The following FBN1 variants were observed in gnomAD, a reference collection of about 807,000 sequenced individuals.
FBN1 encodes fibrillin-1.
FBN1 carries 29 observed loss-of-function variants against 365.1 expected under a neutral mutation model. That is an observed-to-expected ratio of 0.08 (90% confidence interval 0.06 to 0.11). The LOEUF (loss-of-function observed/expected upper bound fraction) is 0.11. FBN1 is among the 10% of genes least tolerant of loss of function. The pLI, the probability that FBN1 is intolerant of heterozygous loss-of-function variation, is 1.00. For missense variants in FBN1, 2,476 were observed against 3,703.2 expected, an observed-to-expected ratio of 0.67 and a Z score of 8.60; for synonymous variants, 1,210 against 1,270.5, an observed-to-expected ratio of 0.95 and a Z score of 1.01.
rs113772745 is a variant in FBN1 at position 48,554,182 on chromosome 15, A to G, written c.539-16374T>C. ...AATCAAAACACAGAGCGGCAAAGTT[A>G]TTTTCTCAATGTCACAGAACAAATT... On this transcript the variant is annotated intron_variant, in intron 6 of 65. Transcript: ENST00000316623. Among the ~76,000 whole-genome samples the G allele has an allele frequency of 6.6e-3, 1,009 of 152,284 alleles. 10 individuals are homozygous for G. The highest frequency in any genetic ancestry group is 0.024 in the African/African-American group (981 of 41,546).
At chr15:48,523,084 T>A (rs1415378866) in intron 9 of FBN1, among the ~76,000 whole-genome samples, 1 of 152,248 alleles carries the variant, frequency 6.6e-6, no homozygotes, top group African/African-American at 2.4e-5. Context: ...ACTAATACTT[T>A]ATATACTTGG....
chr15:48,500,648 A>G (rs1159160717), intron 17 of FBN1, among the ~76,000 whole-genome samples: 1 of 152,226 alleles, frequency 6.6e-6, no homozygotes, highest in African/African-American at 2.4e-5. Context: ...GCGTAGTGCC[A>G]TGGAGACAGT....
chr15:48,472,318 T>C (rs1021036436), intron 35 of FBN1, among the ~76,000 whole-genome samples: 1 of 152,152 alleles, frequency 6.6e-6, no homozygotes, highest in Non-Finnish European at 1.5e-5. Flanking sequence ...TTGCAGACCA[T>C]GCGGCCAAGG....
At chr15:48,629,239 C>T (rs1044710229) in intron 2 of FBN1, among the ~76,000 whole-genome samples, 2 of 152,220 alleles carry the variant, frequency 1.3e-5, no homozygotes, top group African/African-American at 4.8e-5. Flanking sequence ...GATTTACACC[C>T]TGGCTTCTCA....
At chr15:48,633,629 G>A (rs558632213) in intron 2 of FBN1, among the ~76,000 whole-genome samples, 2 of 152,258 alleles carry the variant, frequency 1.3e-5, no homozygotes, top group South Asian at 2.1e-4. Flanking sequence ...TAGTACTGAG[G>A]ATCTAAAACT....
chr15:48,630,724 T>A (rs1889969362), intron 2 of FBN1, among the ~76,000 whole-genome samples: 1 of 92,318 alleles, frequency 1.1e-5, no homozygotes, highest in Non-Finnish European at 2.1e-5. Context: ...AGAGTGAGAC[T>A]CCATCTCAAA....
intron 6 of FBN1, among the ~76,000 whole-genome samples, chr15:48,591,422 A>G (rs1175417890): frequency 6.6e-6 from 1 of 152,228 alleles, no homozygotes; most frequent in Non-Finnish European, 1.5e-5. Flanking sequence ...ATAACTTTCC[A>G]TGATAACTGC....
intron 13 of FBN1, among the ~76,000 whole-genome samples, chr15:48,512,501 C>T (rs534778877): frequency 6.6e-6 from 1 of 152,258 alleles, no homozygotes; most frequent in South Asian, 2.1e-4. Flanking sequence ...CCAATAGGCC[C>T]CGGTGTGTGT....
In FBN1 at chr15:48,420,669, T is replaced by G. The variant is rs1467516350; in HGVS notation, c.7819+18A>C. On this transcript the variant is annotated intron_variant, in intron 63 of 65. Transcript: ENST00000316623. ...ACCTGATAGCCATGCATCTTGAGAG[T>G]GAGGAAAAGTTACTTGCCAACACAC... 1 of 1,613,716 alleles carries G rather than the reference T, an allele frequency of 6.2e-7. No individual in the cohort carries two copies.
Position 48,626,624 on chromosome 15 carries a change from G to C in FBN1, c.165-13532C>G, listed in dbSNP as rs12438332. ...CAGATTTTAAGTTTCTATAAAGTCA[G>C]AGGAAGTTAGGTAAAAGCATGCAGT... On this transcript the variant is annotated intron_variant, in intron 2 of 65. Transcript: ENST00000316623. Among the ~76,000 whole-genome samples the C allele has an allele frequency of 9.3e-3, 1,420 of 152,116 alleles. 53 individuals carry two copies. The highest frequency in any genetic ancestry group is 0.089 in the East Asian group (461 of 5,182).
At chr15:48,583,219 T>A (rs777018032) in intron 6 of FBN1, among the ~76,000 whole-genome samples, 51 of 152,282 alleles carry the variant, frequency 3.3e-4, no homozygotes, top group Admixed American at 3.9e-4. Flanking sequence ...AACTCACACC[T>A]CCTCTCTTCG....
rs999454337 is a variant in FBN1, at chr15:48,480,970, A to G, written c.3964+685T>C. Among the ~76,000 whole-genome samples, 3 of 152,168 alleles carry G rather than the reference A, an allele frequency of 2.0e-5. No homozygotes were observed. The South Asian group carries it at 6.2e-4, about 31-fold the overall frequency. ...TCATATTTGAAAATACCAACTAAAC[A>G]CTTATAAACTAAACACAATGTCATT... On this transcript the variant is annotated intron_variant, in intron 32 of 65. Transcript: ENST00000316623.
At chr15:48,485,239 T>C in intron 30 of FBN1, 135 bp downstream of exon 30, 1 of 1,135,436 alleles carries the variant, frequency 8.8e-7, no homozygotes, top group Non-Finnish European at 1.3e-6. Flanking sequence ...ATAGGTATCT[T>C]GATTAAGGAT....
chr15:48,530,176 C>T (rs1010277958), intron 8 of FBN1, among the ~76,000 whole-genome samples: 3 of 136,160 alleles, frequency 2.2e-5, no homozygotes, highest in African/African-American at 7.8e-5. Flanking sequence ...ATGCTGCATC[C>T]GCCGCCTCAT....
intron 53 of FBN1, 92 bp downstream of exon 53, chr15:48,436,869 T>C: frequency 2.4e-6 from 2 of 836,704 alleles, no homozygotes; most frequent in East Asian, 4.9e-5. Context: ...TTCAGTGCCA[T>C]CTTGGTACCT....
intron 17 of FBN1, among the ~76,000 whole-genome samples, chr15:48,499,750 T>A (rs2043639345): frequency 6.6e-6 from 1 of 152,176 alleles, no homozygotes; most frequent in Admixed American, 6.5e-5. Flanking sequence ...ATACTTAACA[T>A]AAGAGTGAAT....
In FBN1 at chr15:48,520,923, G is replaced by C. The variant is rs371963948; in HGVS notation, c.989-106C>G. On this transcript the variant is annotated intron_variant, in intron 9 of 65. Coordinates refer to ENST00000316623, the MANE Select transcript of FBN1 (RefSeq NM_000138.5). ...ATACTTCACACTGGGGCTACGGCAG[G>C]ATTAACTCACACCTCTGCCCCCCGG... 1.4e-5 allele frequency: 21 copies of C among 1,466,646 alleles called. No individual in the cohort carries two copies. The African/African-American group carries it at 2.8e-4, about 19-fold the overall frequency. 90.9% of individuals were successfully genotyped at this position (1,466,646 alleles called of 1,614,324 possible).
chr15:48,623,670 A>G (rs1597639881), intron 2 of FBN1, among the ~76,000 whole-genome samples: 1 of 152,176 alleles, frequency 6.6e-6, no homozygotes, highest in East Asian at 1.9e-4. Flanking sequence ...TCCTACAGAC[A>G]ATCATGACAA....
intron 44 of FBN1, among the ~76,000 whole-genome samples, chr15:48,453,434 A>G (rs1268495755): frequency 6.6e-6 from 1 of 152,222 alleles, no homozygotes; most frequent in Non-Finnish European, 1.5e-5. Flanking sequence ...ACCATATAAC[A>G]TTCTGGAAAA....
Sources: gnomAD v4.1 joint callset for allele counts (sites outside exome capture counted in the v4.1 genomes callset) on GRCh38, gnomAD v4.1.1 for gene constraint, MANE v1.5 for transcripts, NCBI Gene and HGNC (gene_info 2026-07-23, HGNC 2026-07-21) for gene names.